Variants in NRBP2 observed in about 807,000 individuals in gnomAD.
NRBP2 encodes the protein nuclear receptor-binding protein 2.
Under a neutral mutation model 74.4 loss-of-function variants are expected in NRBP2, and 47 were observed. That is an observed-to-expected ratio of 0.63 (90% CI 0.50 to 0.81). The LOEUF is 0.81. NRBP2 is among the 30% of genes least tolerant of loss of function. The pLI is 0.00. For missense variants in NRBP2, 613 were observed against 690.1 expected, an observed-to-expected ratio of 0.89 and a Z score of 1.25; for synonymous variants, 312 against 273.8, an observed-to-expected ratio of 1.14 and a Z score of -1.38.
Position 143,839,379 on chromosome 8 carries a change from A to G in NRBP2, c.515T>C (p.Ile172Thr). Reference sequence around the variant, plus strand: ...GGTGTCGCTGGTCAGGTTCCCGTGGATGATTGGGGGGCTGCAGGCGTGCAG... The same window carrying G: ...GGTGTCGCTGGTCAGGTTCCCGTGGGTGATTGGGGGGCTGCAGGCGTGCAG... ...SFLHACSPPI[I>T]HGNLTSDTIF... is the part of the protein sequence containing the mutation. The change falls in exon 6 of 18, where the codon ATC (isoleucine) becomes ACC (threonine). Residue 172 changes from isoleucine to threonine, a missense_variant. Ile to Thr is a moderately conservative substitution (Grantham distance 89). Coordinates refer to ENST00000442628, the MANE Select transcript of NRBP2 (RefSeq NM_178564.4). This position sits in a 1 kb window ranked among gnomAD's most constrained non-coding sequence, Gnocchi z 5.1. The G allele has an allele frequency of 2.5e-6, 4 of 1,580,404 alleles. No individual in the cohort carries two copies. The highest frequency in any genetic ancestry group is 3.4e-6 in the Non-Finnish European group (4 of 1,170,910).
intron 14 of NRBP2, among the ~76,000 whole-genome samples, chr8:143,836,744 G>T (rs1197212908): frequency 6.6e-6 from 1 of 151,322 alleles, no homozygotes; most frequent in Admixed American, 6.6e-5. Flanking sequence ...TTGCTGGCAG[G>T]GTGGAAGAGC....
Position 143,839,801 on chromosome 8 carries a change from A to G in NRBP2, c.379T>C (p.Ser127Pro), listed in dbSNP as rs1818614015. 1 of 1,535,974 alleles carries G rather than the reference A, an allele frequency of 6.5e-7. No homozygotes were observed. The highest frequency in any genetic ancestry group is 8.7e-7 in the Non-Finnish European group (1 of 1,146,848). ...ARVIFITEYV[S>P]SGSLKQFLKK... ...AGGAATTGCTTGAGGCTGCCTGATG[A>G]CACGTACTCTGTGATGAAGATGACC... The change falls in exon 4 of 18, where the codon TCA (serine) becomes CCA (proline). Residue 127 changes from serine to proline, a missense_variant. This residue lies in a region of NRBP2 where 332 missense variants were observed against 429.2 expected (regional missense o/e 0.77). Coordinates refer to ENST00000442628, the MANE Select transcript of NRBP2 (RefSeq NM_178564.4). The surrounding 1 kb of genome is among the most constrained non-coding windows in gnomAD (Gnocchi z 5.1).
downstream of NRBP2, among the ~76,000 whole-genome samples, chr8:143,832,536 TG>T (rs782289717): frequency 6.6e-6 from 1 of 152,274 alleles, no homozygotes; most frequent in Non-Finnish European, 1.5e-5. Flanking sequence ...CCTGATTGCA[TG>T]CTCCATCTAC....
intron 10 of NRBP2, chr8:143,838,166 C>T: frequency 2.4e-6 from 1 of 414,804 alleles, no homozygotes; most frequent in South Asian, 2.1e-5. Context: ...CGACCAGGCA[C>T]CCCCATCTCC....
In NRBP2 at chr8:143,837,678, G is replaced by A; in HGVS notation, c.918C>T (p.Leu306=). The A allele has an allele frequency of 6.3e-7, 1 of 1,585,058 alleles. No homozygotes were observed. Among genetic ancestry groups the A allele is most frequent in the Non-Finnish European group, 8.6e-7 (1 of 1,165,454 alleles). ...GGAGCTTCAGCGAGTGCACCTCGAA[G>A]AGCACGCGGTGGAAGAGGAGGCTGT... ...SAHSLLFHRV[L]FEVHSLKLLA... The change falls in exon 11 of 18, where the codon CTC becomes CTT. Residue 306 remains leucine (L), a synonymous_variant. Coordinates refer to ENST00000442628, the MANE Select transcript of NRBP2 (RefSeq NM_178564.4). The surrounding 1 kb of genome is among the most constrained non-coding windows in gnomAD (Gnocchi z 4.3).
At position 143,839,619 on chromosome 8, in the gene NRBP2, C is replaced by A; in HGVS notation, c.445-70G>T. ...AGGCGGCTGGGCCTGCGGAGCCCGC[C>A]CCGCATCCTCGCCCAGCCCCTGTCC... On this transcript the variant is annotated intron_variant, in intron 4 of 17. Transcript: ENST00000442628. The surrounding 1 kb of genome is among the most constrained non-coding windows in gnomAD (Gnocchi z 5.1). 1 of 1,506,742 alleles carries A rather than the reference C, an allele frequency of 6.6e-7. No homozygotes were observed. The highest frequency in any genetic ancestry group is 8.8e-7 in the Non-Finnish European group (1 of 1,132,766). The allele number at this position is 1,506,742 out of a possible 1,614,324, so 93.3% of individuals were successfully genotyped here.
In NRBP2 at chr8:143,839,217, A is replaced by T. The variant is rs2130553890; in HGVS notation, c.581-22T>A. 6.5e-7 allele frequency: 1 copy of T among 1,531,796 alleles called. No individual in the cohort carries two copies. Among genetic ancestry groups the T allele is most frequent in the East Asian group, 2.5e-5 (1 of 40,786 alleles). 94.9% of individuals were successfully genotyped at this position (1,531,796 alleles called of 1,614,324 possible). A position where few individuals can be genotyped will look rare whatever the true frequency, so the allele number is the denominator to read the frequency against. ...CACACTGCCAAGGGGCGGGAGAAAG[A>T]GTGGAGTTAGCTGCTGGGGCATCAG... is the stretch of plus-strand genomic sequence containing the variant. On this transcript the variant is annotated intron_variant, in intron 6 of 17. Coordinates refer to ENST00000442628, the MANE Select transcript of NRBP2 (RefSeq NM_178564.4). This position sits in a 1 kb window ranked among gnomAD's most constrained non-coding sequence, Gnocchi z 5.1.
In NRBP2 at chr8:143,839,724, C is replaced by G; in HGVS notation, c.444+12G>C. 6.5e-7 allele frequency: 1 copy of G among 1,535,696 alleles called. No homozygotes were observed. The highest frequency in any genetic ancestry group is 8.7e-7 in the Non-Finnish European group (1 of 1,146,606). On this transcript the variant is annotated intron_variant, in intron 4 of 17. Coordinates refer to ENST00000442628, the MANE Select transcript of NRBP2 (RefSeq NM_178564.4). This position sits in a 1 kb window ranked among gnomAD's most constrained non-coding sequence, Gnocchi z 5.1. ...TCCTGTCCCCGTGGCTGCCCCAGCC[C>G]GCTCCCCATACCCGGGCGTTCATGG...
At position 143,836,021 on chromosome 8, in the gene NRBP2, G is replaced by A. The variant is rs782328885; in HGVS notation, c.1327C>T (p.Leu443Phe). The change falls in exon 16 of 18, where the codon CTT (leucine) becomes TTT (phenylalanine). Residue 443 changes from leucine (L) to phenylalanine (F), a missense_variant. Leu to Phe is a conservative substitution (Grantham distance 22, BLOSUM62 0). Transcript: ENST00000442628. Reference sequence around the variant, plus strand: ...TGCAGCCGGTCTTCCAGCACCAGAAGCAGAGTGAGCTGGGGAGGCGGCGGG... The same window carrying A: ...TGCAGCCGGTCTTCCAGCACCAGAAACAGAGTGAGCTGGGGAGGCGGCGGG... ...EDKARWHLTL[L>F]LVLEDRLHRQ... 8 of 1,574,140 alleles carry A rather than the reference G, an allele frequency of 5.1e-6. No homozygotes were observed. Among genetic ancestry groups the A allele is most frequent in the Non-Finnish European group, 6.9e-6 (8 of 1,160,304 alleles).
At position 143,840,620 on chromosome 8, in the gene NRBP2, C is replaced by T. The variant is rs1818651252; in HGVS notation, c.129+86G>A. 9.5e-6 allele frequency: 12 copies of T among 1,262,534 alleles called. No homozygotes were observed. The South Asian group carries it at 2.0e-4, about 21-fold the overall frequency. The allele number at this position is 1,262,534 out of a possible 1,614,324, so 78.2% of individuals were successfully genotyped here. ...AGAGGTTTCCAGCCGCCGCGCTCTC[C>T]CAGCGCCCCCACGCCCCGCGCAGCC... On this transcript the variant is annotated intron_variant, in intron 1 of 17. Transcript: ENST00000442628. This position sits in a 1 kb window ranked among gnomAD's most constrained non-coding sequence, Gnocchi z 5.7.
At position 143,834,049 on chromosome 8, in the gene NRBP2, T is replaced by C. The variant is rs1250960543; in HGVS notation, c.*1613A>G. On this transcript the variant is annotated 3_prime_UTR_variant, in exon 18 of 18. Coordinates refer to ENST00000442628, the MANE Select transcript of NRBP2 (RefSeq NM_178564.4). ...TGCTGTGGTCAGCAGAATGCCACCCTTCCCCAACAAAAGAGGTTCATTCCT... is the reference window on the plus strand; with the variant it reads ...TGCTGTGGTCAGCAGAATGCCACCCCTCCCCAACAAAAGAGGTTCATTCCT... 1.3e-5 allele frequency: 2 copies of C among 152,230 alleles called. No individual in the cohort carries two copies. Among genetic ancestry groups the C allele is most frequent in the African/African-American group, 4.8e-5 (2 of 41,458 alleles). The allele number at this position is 152,230 out of a possible 1,614,324, so 9.4% of individuals were successfully genotyped here. A position where few individuals can be genotyped will look rare whatever the true frequency, so the allele number is the denominator to read the frequency against.
rs782799973 is a variant in NRBP2 at position 143,835,919 on chromosome 8, C to T, written c.1382-44G>A. On this transcript the variant is annotated intron_variant, in intron 16 of 17. Transcript: ENST00000442628. This position sits in a 1 kb window ranked among gnomAD's most constrained non-coding sequence, Gnocchi z 4.9. ...GCGAGGCATGAGGCCGCTGCCCACC[C>T]GCCGCCTGGGGTCACCGCCCGCCGC... 41 of 1,592,990 alleles carry T rather than the reference C, an allele frequency of 2.6e-5. No homozygotes were observed. The highest frequency in any genetic ancestry group is 3.3e-4 in the Middle Eastern group (2 of 6,044).
At chr8:143,838,167 C>G in intron 10 of NRBP2, 1 of 415,246 alleles carries the variant, frequency 2.4e-6, no homozygotes, top group Non-Finnish European at 4.5e-6. Flanking sequence ...GACCAGGCAC[C>G]CCCATCTCCT....
downstream of NRBP2, chr8:143,833,379 C>T (rs1818230400): frequency 6.6e-6 from 1 of 152,202 alleles, no homozygotes; most frequent in Non-Finnish European, 1.5e-5. Context: ...GGTAATGAAG[C>T]TGTAATAACA....
chr8:143,837,467 A>G lies in NRBP2; in HGVS notation c.1016T>C (p.Met339Thr), dbSNP rs375400083. 1 of 1,611,136 alleles carries G rather than the reference A, an allele frequency of 6.2e-7. No individual in the cohort carries two copies. The highest frequency in any genetic ancestry group is 8.5e-7 in the Non-Finnish European group (1 of 1,179,204). Residue 339 changes from methionine (M) to threonine (T), a missense_variant, in exon 12 of 18, where the codon ATG becomes ACG. This residue lies in a region of NRBP2 where 281 missense variants were observed against 260.9 expected (regional missense o/e 1.08). Transcript: ENST00000442628. This position sits in a 1 kb window ranked among gnomAD's most constrained non-coding sequence, Gnocchi z 4.3. Reference sequence around the variant, plus strand: ...CTCCGCCAAGACCGCGTGCAGGTCCATGGCCTTGGTCTTCTCCTCCACCAC... The same window carrying G: ...CTCCGCCAAGACCGCGTGCAGGTCCGTGGCCTTGGTCTTCTCCTCCACCAC... ...ENVVEEKTKAMDLHAVLAELP... is the reference protein window; with the variant it reads ...ENVVEEKTKATDLHAVLAELP...
In NRBP2 at chr8:143,839,362, T is replaced by C. The variant is rs1330751871; in HGVS notation, c.532A>G (p.Ser178Gly). 5 of 1,589,714 alleles carry C rather than the reference T, an allele frequency of 3.1e-6. No homozygotes were observed. The highest frequency in any genetic ancestry group is 4.3e-6 in the Non-Finnish European group (5 of 1,175,296). ...SPPIIHGNLT[S>G]DTIFIQHNGL... ...TTGTGCTGAATGAAGATGGTGTCGC[T>C]GGTCAGGTTCCCGTGGATGATTGGG... Residue 178 changes from serine to glycine, a missense_variant, in exon 6 of 18, where the codon AGC (serine) becomes GGC (glycine). Around this residue, in one of 2 missense-constraint regions of NRBP2, gnomAD observed 332 missense variants for 429.2 expected, o/e 0.77. Transcript: ENST00000442628. This position sits in a 1 kb window ranked among gnomAD's most constrained non-coding sequence, Gnocchi z 5.1.
Position 143,839,141 on chromosome 8 carries a change from A to G in NRBP2, c.604+31T>C, listed in dbSNP as rs1554652850. The G allele has an allele frequency of 6.6e-7, 1 of 1,515,124 alleles. No homozygotes were observed. Among genetic ancestry groups the G allele is most frequent in the Admixed American group, 2.0e-5 (1 of 49,982 alleles). 93.9% of individuals were successfully genotyped at this position (1,515,124 alleles called of 1,614,324 possible). A position where few individuals can be genotyped will look rare whatever the true frequency, so the allele number is the denominator to read the frequency against. On this transcript the variant is annotated intron_variant, in intron 7 of 17. Coordinates refer to ENST00000442628, the MANE Select transcript of NRBP2 (RefSeq NM_178564.4). The surrounding 1 kb of genome is among the most constrained non-coding windows in gnomAD (Gnocchi z 5.1). ...GAGCTGAGCGGGCGGGGACCTCTCC[A>G]GGACCCCGTCCCCCCAAAGTCCGCA...
chr8:143,835,617 C>T lies in NRBP2; in HGVS notation c.*45G>A, dbSNP rs1818328430. The T allele has an allele frequency of 2.0e-6, 3 of 1,497,024 alleles. No individual in the cohort carries two copies. The highest frequency in any genetic ancestry group is 1.8e-4 in the Middle Eastern group (1 of 5,620). The allele number at this position is 1,497,024 out of a possible 1,614,324, so 92.7% of individuals were successfully genotyped here. ...GCTGGAGTCTCCCCAACATGGCCTG[C>T]CCAGGCAGCACCCCGGCATGGTCCC... On this transcript the variant is annotated 3_prime_UTR_variant, in exon 18 of 18. Transcript: ENST00000442628. The surrounding 1 kb of genome is among the most constrained non-coding windows in gnomAD (Gnocchi z 4.9).
rs1215340720 is a variant in NRBP2, at chr8:143,837,366, G to A, written c.1076+41C>T. The A allele has an allele frequency of 1.6e-6, 2 of 1,249,408 alleles. No individual in the cohort carries two copies. Among genetic ancestry groups the A allele is most frequent in the Non-Finnish European group, 2.3e-6 (2 of 870,718 alleles). The allele number at this position is 1,249,408 out of a possible 1,614,324, so 77.4% of individuals were successfully genotyped here. A position where few individuals can be genotyped will look rare whatever the true frequency, so the allele number is the denominator to read the frequency against. ...GAGGGGAGGGGAGGTGCGGGGAGGG[G>A]AGGTGTGGGGAGGGGAGGCTTCTGG... On this transcript the variant is annotated intron_variant, in intron 12 of 17. Transcript: ENST00000442628. This position sits in a 1 kb window ranked among gnomAD's most constrained non-coding sequence, Gnocchi z 4.3.
Sources: allele counts gnomAD v4.1 joint callset (sites outside exome capture counted in the v4.1 genomes callset), GRCh38; gene constraint gnomAD v4.1.1; regional missense constraint gnomAD v4.1.1; non-coding constraint Gnocchi (gnomAD v3.1); transcripts MANE v1.5; gene names NCBI Gene and HGNC (gene_info 2026-07-23, HGNC 2026-07-21).